PAX3: variants seen among roughly 807,000 people sequenced by gnomAD.
PAX3 encodes paired box 3.
In PAX3, 14 loss-of-function variants were observed where a neutral mutation model predicts 51.6. The observed-to-expected ratio is 0.27, with a 90% CI of 0.18 to 0.42. The LOEUF is 0.42. Among genes scored for constraint, PAX3 ranks in the 10% least tolerant of loss-of-function variants. PAX3 has a pLI of 1.00. For synonymous variants in PAX3, 280 were observed against 253.4 expected, an observed-to-expected ratio of 1.11 and a Z score of -1.00; for missense variants, 540 against 642.8, an observed-to-expected ratio of 0.84 and a Z score of 1.73.
At position 222,298,820 on chromosome 2, in the gene PAX3, G is replaced by C. The variant is rs565554258; in HGVS notation, c.-205C>G. 5 of 611,572 alleles carry C rather than the reference G, an allele frequency of 8.2e-6. No homozygotes were observed. In the East Asian group the frequency reaches 1.4e-4, roughly 17 times the overall value. The allele number at this position is 611,572 out of a possible 1,614,324, so 37.9% of individuals were successfully genotyped here. On this transcript the variant is annotated 5_prime_UTR_variant, in exon 1 of 9. Coordinates refer to ENST00000392070, the MANE Select transcript of PAX3 (RefSeq NM_181458.4). ...TGGAACCCGGGAAAGGGGAGGACGG[G>C]GAGGCCCCGGAGTCCAGGATCCCGA...
At position 222,220,133 on chromosome 2, in the gene PAX3, G is replaced by T; in HGVS notation, c.1173+7C>A. 1.2e-6 allele frequency: 2 copies of T among 1,611,896 alleles called. No homozygotes were observed. The highest frequency in any genetic ancestry group is 1.1e-5 in the South Asian group (1 of 90,986). On this transcript the variant is annotated splice_region_variant and intron_variant, in intron 7 of 8. Transcript: ENST00000392070. ...GCAAATCGTCTGTCTAGAAACACGG[G>T]ACTGACCTGAGGTGAGAGGCCATTG...
chr2:222,250,078 G>A (rs45550338), intron 4 of PAX3, among the ~76,000 whole-genome samples: 2,681 of 152,140 alleles, frequency 0.018, 30 homozygotes, highest in Middle Eastern at 0.092. Flanking sequence ...TACCCTTAAA[G>A]AAATGTCTTG....
At chr2:222,293,349 T>C (rs1695116025) in intron 4 of PAX3, among the ~76,000 whole-genome samples, 1 of 152,212 alleles carries the variant, frequency 6.6e-6, no homozygotes, top group Non-Finnish European at 1.5e-5. Context: ...TTTCTTTCTT[T>C]CTTTTTGCGT....
chr2:222,269,210 T>C (rs1364086081), intron 4 of PAX3, among the ~76,000 whole-genome samples: 1 of 152,202 alleles, frequency 6.6e-6, no homozygotes, highest in African/African-American at 2.4e-5. Context: ...GCCCCTTTTT[T>C]CTCTTTGACC....
At chr2:222,203,323 C>T (rs1348002798) in intron 7 of PAX3, among the ~76,000 whole-genome samples, 4 of 151,882 alleles carry the variant, frequency 2.6e-5, no homozygotes, top group Non-Finnish European at 5.9e-5. Context: ...ATGTACCCTT[C>T]TGTGGCAGGG....
intron 4 of PAX3, among the ~76,000 whole-genome samples, chr2:222,268,648 T>G (rs1694142243): frequency 6.6e-6 from 1 of 152,058 alleles, no homozygotes; most frequent in Admixed American, 6.5e-5. Flanking sequence ...CAGAGGGGAG[T>G]GTTCGCCAAA....
rs1692780814 is a variant in PAX3, at chr2:222,235,873, T to C, written c.587-3590A>G. 3.3e-5 allele frequency among the ~76,000 whole-genome samples: 5 copies of C among 152,336 alleles called. No individual in the cohort carries two copies. The South Asian group carries it at 1.0e-3, about 32-fold the overall frequency. ...TAACAAGCTTACAAATCACTACTCT[T>C]ACTTCTAGACTGTTTATTCAAAAGC... On this transcript the variant is annotated intron_variant, in intron 4 of 8. Transcript: ENST00000392070.
rs913226154 is a variant in PAX3, at chr2:222,220,314, C to A, written c.999G>T (p.Pro333=). The part of the protein sequence containing the change: ...DPSSTVHRPQ[P]LPPSTVHQST... ...TTTGGTGTACAGTGCTTGGAGGAAG[C>A]GGTTGAGGTCTGTGAACGGTGCTGC... is the stretch of plus-strand genomic sequence containing the variant. Residue 333 remains proline (P), a synonymous_variant, in exon 7 of 9, where the codon CCG becomes CCT. Transcript: ENST00000392070. 6.2e-7 allele frequency: 1 copy of A among 1,613,952 alleles called. No homozygotes were observed. Among genetic ancestry groups the A allele is most frequent in the South Asian group, 1.1e-5 (1 of 91,082 alleles).
intron 4 of PAX3, among the ~76,000 whole-genome samples, chr2:222,282,591 A>G (rs1367543690): frequency 6.6e-6 from 1 of 152,202 alleles, no homozygotes; most frequent in East Asian, 1.9e-4. Flanking sequence ...GACCTTGGAG[A>G]CAATTTTTCT....
rs1691258564 is a variant in PAX3 at position 222,200,822 on chromosome 2, C to G, written c.*586G>C. 11 of 356,450 alleles carry G rather than the reference C, an allele frequency of 3.1e-5. No individual in the cohort carries two copies. The South Asian group carries it at 4.3e-4, about 14-fold the overall frequency. 22.1% of individuals were successfully genotyped at this position (356,450 alleles called of 1,614,324 possible). On this transcript the variant is annotated 3_prime_UTR_variant, in exon 9 of 9. Coordinates refer to ENST00000392070, the MANE Select transcript of PAX3 (RefSeq NM_181458.4). The stretch of plus-strand genomic sequence containing the variant: ...AATAATTTATTTAGGAGGTCCTTTA[C>G]AGCTAGTCTAGCTTCCTAAAAATGG...
chr2:222,224,567 A>G (rs1559266652), intron 5 of PAX3, among the ~76,000 whole-genome samples: 1 of 152,104 alleles, frequency 6.6e-6, no homozygotes, highest in Non-Finnish European at 1.5e-5. Context: ...CAAATTTTCT[A>G]TTTTTAGTAG....
intron 4 of PAX3, among the ~76,000 whole-genome samples, chr2:222,267,378 C>CACTT (rs1694089681): frequency 6.6e-6 from 1 of 152,208 alleles, no homozygotes; most frequent in Non-Finnish European, 1.5e-5. Context: ...AGATGATGGA[C>CACTT]ACTTCCTAAT....
intron 7 of PAX3, among the ~76,000 whole-genome samples, chr2:222,205,164 C>A (rs1474211182): frequency 6.6e-6 from 1 of 152,158 alleles, no homozygotes; most frequent in East Asian, 1.9e-4. Context: ...AAGGATTTAA[C>A]TCTTAAGACC....
At chr2:222,295,863 G>A (rs1695268147) in intron 2 of PAX3, among the ~76,000 whole-genome samples, 1 of 152,200 alleles carries the variant, frequency 6.6e-6, no homozygotes, top group Non-Finnish European at 1.5e-5. Flanking sequence ...AGCAGCCTGG[G>A]AAGCCTCTAA....
At chr2:222,223,654 G>A (rs952503782) in intron 5 of PAX3, among the ~76,000 whole-genome samples, 1 of 152,130 alleles carries the variant, frequency 6.6e-6, no homozygotes, top group Middle Eastern at 3.2e-3. Flanking sequence ...AGGTACTCCC[G>A]GCTCAGATCA....
At chr2:222,251,337 AAGTG>A (rs2106125850) in intron 4 of PAX3, among the ~76,000 whole-genome samples, 1 of 151,870 alleles carries the variant, frequency 6.6e-6, no homozygotes, top group East Asian at 1.9e-4. Context: ...TCCCACCTAT[AAGTG>A]AGAACATGCG....
chr2:222,201,022 G>A lies in PAX3; in HGVS notation c.*386C>T. The A allele has an allele frequency of 1.3e-6, 1 of 797,418 alleles. No homozygotes were observed. Among genetic ancestry groups the A allele is most frequent in the East Asian group, 2.7e-5 (1 of 37,378 alleles). The allele number at this position is 797,418 out of a possible 1,614,324, so 49.4% of individuals were successfully genotyped here. On this transcript the variant is annotated 3_prime_UTR_variant, in exon 9 of 9. Coordinates refer to ENST00000392070, the MANE Select transcript of PAX3 (RefSeq NM_181458.4). Reference sequence around the variant, plus strand: ...CAGTCTGCTTGCCCAAACCAGTCTGGGTAAATCTCAATACACACACACACA... The same window carrying A: ...CAGTCTGCTTGCCCAAACCAGTCTGAGTAAATCTCAATACACACACACACA...
At chr2:222,206,776 T>C (rs1395140449) in intron 7 of PAX3, among the ~76,000 whole-genome samples, 1 of 152,176 alleles carries the variant, frequency 6.6e-6, no homozygotes, top group Non-Finnish European at 1.5e-5. Context: ...AAATGATATG[T>C]CTGGAAAATA....
chr2:222,231,650 A>G (rs1692600298), intron 5 of PAX3, among the ~76,000 whole-genome samples: 1 of 152,202 alleles, frequency 6.6e-6, no homozygotes, highest in African/African-American at 2.4e-5. Flanking sequence ...AGTTACTTAT[A>G]TAGTCCAAGT....
Sources: gnomAD v4.1 joint callset for allele counts (sites outside exome capture counted in the v4.1 genomes callset) on GRCh38, gnomAD v4.1.1 for gene constraint, MANE v1.5 for transcripts, NCBI Gene and HGNC (gene_info 2026-07-23, HGNC 2026-07-21) for gene names.